Variants in NRXN3 observed in about 807,000 individuals in gnomAD.
The protein encoded by NRXN3 is neurexin III.
A neutral mutation model predicts 137.6 loss-of-function variants in NRXN3; 32 were observed. That is an observed-to-expected ratio of 0.23 (90% confidence interval 0.18 to 0.31). NRXN3 has a LOEUF of 0.31. NRXN3 is among the 10% of genes least tolerant of loss of function. The probability of loss-of-function intolerance (pLI) is 1.00; values close to 1 mark genes in which losing one functional copy is unlikely to be tolerated. For synonymous variants in NRXN3, 798 were observed against 784.5 expected (o/e 1.02, Z -0.29); for missense variants, 1,574 against 2,062.5 (o/e 0.76, Z 4.59).
chr14:78,557,538 T>G (rs2096750472), intron 4 of NRXN3, among the ~76,000 whole-genome samples: 1 of 152,214 alleles, frequency 6.6e-6, no homozygotes, highest in Non-Finnish European at 1.5e-5. Context: ...GACTAGTTTG[T>G]TTTGAGAATG....
At chr14:79,155,402 T>C (rs1049709910) in intron 15 of NRXN3, among the ~76,000 whole-genome samples, 2 of 151,900 alleles carry the variant, frequency 1.3e-5, no homozygotes, top group African/African-American at 4.8e-5. Context: ...AGGTACGGTA[T>C]TGTCATTGCA....
At chr14:78,725,104 C>T (rs763785810) in intron 8 of NRXN3, among the ~76,000 whole-genome samples, 1 of 152,186 alleles carries the variant, frequency 6.6e-6, no homozygotes, top group Admixed American at 6.5e-5. Flanking sequence ...AAATCAGAAG[C>T]CTCATGAAAT....
At chr14:78,722,991 A>C (rs1023743572) in intron 8 of NRXN3, among the ~76,000 whole-genome samples, 2 of 152,180 alleles carry the variant, frequency 1.3e-5, no homozygotes, top group Non-Finnish European at 1.5e-5. Flanking sequence ...TTCAATAAAC[A>C]GTAAGTTTTC....
chr14:78,479,795 A>T (rs1414912440), intron 4 of NRXN3, among the ~76,000 whole-genome samples: 1 of 152,180 alleles, frequency 6.6e-6, no homozygotes, highest in African/African-American at 2.4e-5. Flanking sequence ...TGTGTGGAAG[A>T]AAACCTCTAT....
At chr14:79,077,128 G>A (rs2046107397) in intron 15 of NRXN3, among the ~76,000 whole-genome samples, 1 of 152,182 alleles carries the variant, frequency 6.6e-6, no homozygotes. Context: ...AGCAGACCTA[G>A]AATTACCTTG....
chr14:78,443,966 A>T (rs925821313), intron 4 of NRXN3, among the ~76,000 whole-genome samples: 13 of 152,338 alleles, frequency 8.5e-5, no homozygotes, highest in African/African-American at 3.1e-4. Context: ...AACAGCAATG[A>T]CTTTTTCACC....
At chr14:78,850,683 T>C (rs947286072) in intron 10 of NRXN3, among the ~76,000 whole-genome samples, 2 of 152,122 alleles carry the variant, frequency 1.3e-5, no homozygotes, top group African/African-American at 4.8e-5. Flanking sequence ...CCATCAGAAT[T>C]GCAAGTGGAG....
At chr14:79,032,027 G>C (rs1428917586) in intron 15 of NRXN3, among the ~76,000 whole-genome samples, 2 of 152,140 alleles carry the variant, frequency 1.3e-5, no homozygotes, top group Non-Finnish European at 2.9e-5. Flanking sequence ...AAATTTGACA[G>C]AGGTGTAGGA....
At chr14:79,439,423 C>G (rs775764943) in intron 15 of NRXN3, among the ~76,000 whole-genome samples, 1 of 152,142 alleles carries the variant, frequency 6.6e-6, no homozygotes, top group South Asian at 2.1e-4. Flanking sequence ...ATGGCCACCA[C>G]GGTGCCATGC....
At chr14:78,879,971 G>A (rs544503458) in intron 10 of NRXN3, among the ~76,000 whole-genome samples, 1 of 141,608 alleles carries the variant, frequency 7.1e-6, no homozygotes, top group South Asian at 2.1e-4. Context: ...CGGGCGCGGT[G>A]GCTCACGCCT....
intron 8 of NRXN3, chr14:78,744,771 A>G (rs2098599453): frequency 6.6e-6 from 1 of 152,186 alleles, no homozygotes; most frequent in African/African-American, 2.4e-5. Context: ...ATAACTGCAC[A>G]GAGGCCTGCA....
At chr14:78,852,501 G>A (rs562634331) in intron 10 of NRXN3, among the ~76,000 whole-genome samples, 8 of 152,268 alleles carry the variant, frequency 5.3e-5, no homozygotes, top group Non-Finnish European at 8.8e-5. Flanking sequence ...CGTGCTAGAA[G>A]ATAAAATCTG....
rs537366275 is a variant in NRXN3 at position 78,173,235 on chromosome 14, C to T, written c.-704+2561C>T. 6.3e-4 allele frequency among the ~76,000 whole-genome samples: 95 copies of T among 151,358 alleles called. 1 individual carries two copies. In the South Asian group the frequency reaches 0.019, roughly 31 times the overall value. ...ATTTCTATTCTGCACCCCCCTTTCTCTCGCTCCTGGAAAAAAAATCCATTA... is the reference window on the plus strand; with the variant it reads ...ATTTCTATTCTGCACCCCCCTTTCTTTCGCTCCTGGAAAAAAAATCCATTA... On this transcript the variant is annotated intron_variant, in intron 1 of 20. Coordinates refer to ENST00000335750, the MANE Select transcript of NRXN3 (RefSeq NM_001330195.2).
In NRXN3 at chr14:78,584,449, G is replaced by A. The variant is rs1566815101; in HGVS notation, c.758-60671G>A. On this transcript the variant is annotated intron_variant, in intron 4 of 20. Coordinates refer to ENST00000335750, the MANE Select transcript of NRXN3 (RefSeq NM_001330195.2). ...GTGATGATCCTCCAAGTATTTGGCT[G>A]TTCTAAAAAGGCTATGGTCCCAAAG... 3.3e-5 allele frequency among the ~76,000 whole-genome samples: 5 copies of A among 152,156 alleles called. No individual in the cohort carries two copies. In the South Asian group the frequency reaches 1.0e-3, roughly 32 times the overall value.
At position 79,393,232 on chromosome 14, in the gene NRXN3, C is replaced by T. The variant is rs2094911720; in HGVS notation, c.3263-73989C>T. On this transcript the variant is annotated intron_variant, in intron 15 of 20. Coordinates refer to ENST00000335750, the MANE Select transcript of NRXN3 (RefSeq NM_001330195.2). ...AATTACAGCAGAGCAAATTACCATA[C>T]TCTGAAAGAGAAGAACACAGAAAGC... is the stretch of plus-strand genomic sequence containing the variant. 2.6e-5 allele frequency among the ~76,000 whole-genome samples: 4 copies of T among 152,048 alleles called. No individual in the cohort carries two copies. The South Asian group carries it at 8.3e-4, about 32-fold the overall frequency.
At chr14:79,167,377 C>T (rs1371855726) in intron 15 of NRXN3, among the ~76,000 whole-genome samples, 1 of 151,936 alleles carries the variant, frequency 6.6e-6, no homozygotes, top group Non-Finnish European at 1.5e-5. Context: ...TGACTTTCTT[C>T]AGGGCTCCCC....
rs561103449 is a variant in NRXN3, at chr14:78,706,568, T to C, written c.1222-2649T>C. On this transcript the variant is annotated intron_variant, in intron 6 of 20. Transcript: ENST00000335750. The stretch of plus-strand genomic sequence containing the variant: ...CTCTGCCACTTATCAGCTGTGTGCC[T>C]GTGGGCCGGTTCCCTAACTGCTCTC... 1.4e-3 allele frequency among the ~76,000 whole-genome samples: 207 copies of C among 152,288 alleles called. 3 individuals are homozygous for C. Among genetic ancestry groups the C allele is most frequent in the African/African-American group, 4.9e-3 (203 of 41,554 alleles).
At chr14:79,857,922 A>T (rs2099406234) in intron 20 of NRXN3, among the ~76,000 whole-genome samples, 1 of 152,196 alleles carries the variant, frequency 6.6e-6, no homozygotes, top group Non-Finnish European at 1.5e-5. Context: ...TATCATTTTT[A>T]TCGCTGCTAC....
rs368777582 is a variant in NRXN3, at chr14:79,437,468, C to T, written c.3263-29753C>T. Among the ~76,000 whole-genome samples, 7 of 151,464 alleles carry T rather than the reference C, an allele frequency of 4.6e-5. No homozygotes were observed. In the East Asian group the frequency reaches 9.7e-4, roughly 21 times the overall value. ...ACCCATTAAACCTCTAGTTTAAATACCCAGGCATTCTTAAAAATCGAATTT... is the reference window on the plus strand; with the variant it reads ...ACCCATTAAACCTCTAGTTTAAATATCCAGGCATTCTTAAAAATCGAATTT... On this transcript the variant is annotated intron_variant, in intron 15 of 20. Transcript: ENST00000335750.
Sources: allele counts gnomAD v4.1 joint callset (sites outside exome capture counted in the v4.1 genomes callset), GRCh38; gene constraint gnomAD v4.1.1; transcripts MANE v1.5; gene names NCBI Gene and HGNC (gene_info 2026-07-23, HGNC 2026-07-21).